ZBTB16: variants seen among roughly 807,000 people sequenced by gnomAD.
ZBTB16 encodes zinc finger and BTB domain-containing protein 16.
ZBTB16 carries 8 observed loss-of-function variants against 56.8 expected under a neutral mutation model. The ratio of observed to expected loss-of-function variants is 0.14; its 90% CI spans 0.08 to 0.25. ZBTB16 has a LOEUF of 0.25. ZBTB16 is among the 10% of genes least tolerant of loss of function. ZBTB16 has a pLI of 1.00. For synonymous variants in ZBTB16, 363 were observed against 368.5 expected (o/e 0.98, Z 0.17); for missense variants, 625 against 903.0 (o/e 0.69, Z 3.95).
chr11:114,148,437 T>TCTG, intron 2 of ZBTB16, among the ~76,000 whole-genome samples: 1 of 53,852 alleles, frequency 1.9e-5, no homozygotes, highest in African/African-American at 6.5e-5. Context: ...CTCTCTCTCT[T>TCTG]TCTCTCTCTC....
chr11:114,075,629 G>GCA (rs1555126981), intron 2 of ZBTB16, among the ~76,000 whole-genome samples: 1 of 141,026 alleles, frequency 7.1e-6, no homozygotes, highest in Non-Finnish European at 1.5e-5. Flanking sequence ...GCTAATTTTT[G>GCA]TATATATATA....
intron 2 of ZBTB16, among the ~76,000 whole-genome samples, chr11:114,146,860 A>C (rs528871732): frequency 1.3e-5 from 2 of 152,182 alleles, no homozygotes; most frequent in East Asian, 1.9e-4. Context: ...AAAAAAAAAA[A>C]AAAAAACCAA....
At chr11:114,097,823 T>A (rs1940472748) in intron 2 of ZBTB16, among the ~76,000 whole-genome samples, 1 of 152,166 alleles carries the variant, frequency 6.6e-6, no homozygotes, top group Admixed American at 6.5e-5. Context: ...TTAAGGAAAA[T>A]CTTCCGCTCT....
intron 4 of ZBTB16, among the ~76,000 whole-genome samples, chr11:114,207,370 G>C (rs1943903860): frequency 1.3e-5 from 2 of 152,100 alleles, no homozygotes; most frequent in African/African-American, 4.8e-5. Flanking sequence ...TGGATAACCA[G>C]GGTTTTGAAT....
intron 2 of ZBTB16, among the ~76,000 whole-genome samples, chr11:114,106,183 A>T (rs1430432105): frequency 1.3e-5 from 2 of 151,916 alleles, no homozygotes; most frequent in African/African-American, 4.8e-5. Context: ...CTTCCCACCA[A>T]CCAAGTACAG....
chr11:114,130,481 T>C (rs1305430221), intron 2 of ZBTB16, among the ~76,000 whole-genome samples: 1 of 152,256 alleles, frequency 6.6e-6, no homozygotes, highest in Non-Finnish European at 1.5e-5. Flanking sequence ...AATTCATAAG[T>C]GTCAGCATCG....
intron 2 of ZBTB16, among the ~76,000 whole-genome samples, chr11:114,070,428 T>C (rs1427035339): frequency 6.6e-6 from 1 of 152,226 alleles, no homozygotes; most frequent in Non-Finnish European, 1.5e-5. Context: ...TTCTAAAGTC[T>C]GAACAGTTTT....
intron 2 of ZBTB16, among the ~76,000 whole-genome samples, chr11:114,093,184 C>G (rs1264123437): frequency 6.6e-6 from 1 of 152,104 alleles, no homozygotes; most frequent in Non-Finnish European, 1.5e-5. Context: ...ATTGTATCTT[C>G]AGGACCATAT....
At chr11:114,099,086 A>G (rs935395073) in intron 2 of ZBTB16, among the ~76,000 whole-genome samples, 4 of 152,210 alleles carry the variant, frequency 2.6e-5, no homozygotes, top group African/African-American at 4.8e-5. Flanking sequence ...TATGTTTGCC[A>G]TGTGGCTGCT....
At chr11:114,224,887 G>A (rs1347665332) in intron 4 of ZBTB16, among the ~76,000 whole-genome samples, 2 of 152,308 alleles carry the variant, frequency 1.3e-5, no homozygotes, top group South Asian at 2.1e-4. Flanking sequence ...CATGGGAGTC[G>A]CTGGATATCA....
intron 2 of ZBTB16, among the ~76,000 whole-genome samples, chr11:114,101,715 A>T (rs1441664640): frequency 2.0e-5 from 3 of 152,250 alleles, no homozygotes; most frequent in Non-Finnish European, 4.4e-5. Context: ...GAAAAAATAC[A>T]CATAGATCTC....
chr11:114,153,533 C>T (rs189890795), intron 2 of ZBTB16, among the ~76,000 whole-genome samples: 1 of 152,306 alleles, frequency 6.6e-6, no homozygotes, highest in East Asian at 1.9e-4. Context: ...CTGGTGGTAA[C>T]TTCTGGAAGT....
chr11:114,199,123 G>A (rs1225905453), intron 4 of ZBTB16, among the ~76,000 whole-genome samples: 4 of 152,262 alleles, frequency 2.6e-5, no homozygotes, highest in Non-Finnish European at 4.4e-5. Flanking sequence ...TTTTGGACAT[G>A]TATGCTGGGA....
chr11:114,164,892 T>G (rs1446991316), intron 3 of ZBTB16, among the ~76,000 whole-genome samples: 1 of 152,102 alleles, frequency 6.6e-6, no homozygotes, highest in Non-Finnish European at 1.5e-5. Flanking sequence ...TCTGCTTTCA[T>G]CTCACTTCAT....
chr11:114,147,413 C>A (rs1006992208), intron 2 of ZBTB16, among the ~76,000 whole-genome samples: 1 of 152,140 alleles, frequency 6.6e-6, no homozygotes, highest in Non-Finnish European at 1.5e-5. Context: ...TCCCAGAAAT[C>A]GGTTATTTGT....
chr11:114,167,231 GGTTTTTTTTTTT>G (rs1942789204), intron 3 of ZBTB16, among the ~76,000 whole-genome samples: 1 of 43,164 alleles, frequency 2.3e-5, no homozygotes, highest in Non-Finnish European at 6.8e-5. Context: ...TTTTTTTTTT[GGTTTTTTTTTTT>G]TTTTTTTTTT....
intron 5 of ZBTB16, among the ~76,000 whole-genome samples, chr11:114,243,698 G>A (rs758726622): frequency 1.1e-4 from 16 of 152,160 alleles, no homozygotes; most frequent in African/African-American, 3.4e-4. Flanking sequence ...TCCTATGAAC[G>A]CCTCCCTCAA....
rs771620757 is a variant in ZBTB16, at chr11:114,153,793, A to G, written c.1269-2544A>G. ...AAAAGGATATGGGTAAGACTTTTGA[A>G]TGATAAAATTTTGTCTCTATTCAAA... On this transcript the variant is annotated intron_variant, in intron 2 of 6. Coordinates refer to ENST00000335953, the MANE Select transcript of ZBTB16 (RefSeq NM_006006.6). Among the ~76,000 whole-genome samples the G allele has an allele frequency of 1.6e-4, 24 of 152,342 alleles. 1 individual carries two copies. Among genetic ancestry groups the G allele is most frequent in the Admixed American group, 9.1e-4 (14 of 15,306 alleles).
rs568489128 is a variant in ZBTB16 at position 114,162,113 on chromosome 11, C to T, written c.1366+5679C>T. 1.1e-4 allele frequency among the ~76,000 whole-genome samples: 17 copies of T among 152,334 alleles called. No individual in the cohort carries two copies. The South Asian group carries it at 2.9e-3, about 26-fold the overall frequency. Reference sequence around the variant, plus strand: ...CTTTCGTTGATAGATTTTCTGATTTCAGCAGCAGCATGGAGTGGCTGGGGC... The same window carrying T: ...CTTTCGTTGATAGATTTTCTGATTTTAGCAGCAGCATGGAGTGGCTGGGGC... On this transcript the variant is annotated intron_variant, in intron 3 of 6. Coordinates refer to ENST00000335953, the MANE Select transcript of ZBTB16 (RefSeq NM_006006.6).
Sources: gnomAD v4.1 joint callset for allele counts (sites outside exome capture counted in the v4.1 genomes callset) on GRCh38, gnomAD v4.1.1 for gene constraint, MANE v1.5 for transcripts, NCBI Gene and HGNC (gene_info 2026-07-23, HGNC 2026-07-21) for gene names.